Variants in ETV1 observed in about 807,000 individuals in gnomAD.
ETV1 encodes ETS variant transcription factor 1.
A neutral mutation model predicts 62.3 loss-of-function variants in ETV1; 27 were observed. The observed-to-expected ratio is 0.43, with a 90% CI of 0.32 to 0.60. The LOEUF (loss-of-function observed/expected upper bound fraction) is 0.60. Ranked by LOEUF, ETV1 falls within the 20% of genes least tolerant of loss-of-function variation. The probability of loss-of-function intolerance (pLI) is 0.06; values close to 1 mark genes in which losing one functional copy is unlikely to be tolerated. For missense variants in ETV1, 605 were observed against 605.8 expected (o/e 1.00, Z 0.01); for synonymous variants, 222 against 199.6 (o/e 1.11, Z -0.94).
chr7:13,911,736 GTAT>G (rs1231627892), intron 9 of ETV1, among the ~76,000 whole-genome samples: 2 of 152,130 alleles, frequency 1.3e-5, no homozygotes, highest in Non-Finnish European at 1.5e-5. Context: ...ACTGTAAAAT[GTAT>G]TATCAAAAGT....
In ETV1 at chr7:13,931,492, G is replaced by A. The variant is rs73274895; in HGVS notation, c.802+10C>T. On this transcript the variant is annotated intron_variant, in intron 9 of 13. Coordinates refer to ENST00000430479, the MANE Select transcript of ETV1 (RefSeq NM_004956.5). Reference sequence around the variant, plus strand: ...GCCTTGAATGTAATTTGCGCAGAGCGCAGGCCTACCTGAGTCATATGCAAA... The same window carrying A: ...GCCTTGAATGTAATTTGCGCAGAGCACAGGCCTACCTGAGTCATATGCAAA... 12,186 of 1,613,806 alleles carry A rather than the reference G, an allele frequency of 7.6e-3. 335 individuals are homozygous for A. The African/African-American group carries it at 0.091, about 12-fold the overall frequency.
At chr7:13,964,520 G>C (rs1004047607) in intron 6 of ETV1, among the ~76,000 whole-genome samples, 5 of 152,058 alleles carry the variant, frequency 3.3e-5, no homozygotes, top group African/African-American at 4.8e-5. Flanking sequence ...TACTTAATGT[G>C]AAAAATCGAC....
chr7:13,920,431 AGAGT>A (rs970686931), intron 9 of ETV1, among the ~76,000 whole-genome samples: 5 of 132,826 alleles, frequency 3.8e-5, no homozygotes, highest in Non-Finnish European at 6.5e-5. Flanking sequence ...CATTCCAGAG[AGAGT>A]GAGTGAGTGT....
intron 12 of ETV1, among the ~76,000 whole-genome samples, chr7:13,901,391 T>G (rs1782407430): frequency 6.6e-6 from 1 of 152,124 alleles, no homozygotes; most frequent in Admixed American, 6.6e-5. Context: ...AATACAAAAT[T>G]AAATGGAAAT....
chr7:13,936,008 G>A, intron 7 of ETV1, 112 bp from the exon 8 acceptor site: 2 of 829,162 alleles, frequency 2.4e-6, no homozygotes, highest in Non-Finnish European at 3.7e-6. Flanking sequence ...AAATGGAAAT[G>A]AAAACTTTGT....
chr7:13,925,741 A>AT (rs113163137), intron 9 of ETV1, among the ~76,000 whole-genome samples: 66,829 of 150,662 alleles, frequency 0.44, 16,039 homozygotes, highest in African/African-American at 0.64. Context: ...AATTTTTTGT[A>AT]TTTTTTTTAG....
chr7:13,935,981 T>C (rs1214127147), intron 7 of ETV1, 85 bp from the exon 8 acceptor site: 2 of 1,064,546 alleles, frequency 1.9e-6, no homozygotes, highest in African/African-American at 3.2e-5. Flanking sequence ...GAAGAAAAGA[T>C]ATTTTAGACT....
chr7:13,892,388 A>G lies in ETV1; in HGVS notation c.*3478T>C. On this transcript the variant is annotated 3_prime_UTR_variant, in exon 14 of 14. Coordinates refer to ENST00000430479, the MANE Select transcript of ETV1 (RefSeq NM_004956.5). ...TTTAATATAGAAAGTTTTCAAAATT[A>G]TTTATGCAGAATAAGGGGAAAATAT... is the stretch of plus-strand genomic sequence containing the variant. The G allele has an allele frequency of 1.3e-5, 3 of 232,696 alleles. No individual in the cohort carries two copies. Among genetic ancestry groups the G allele is most frequent in the African/African-American group, 4.4e-5 (2 of 45,436 alleles). 14.4% of individuals were successfully genotyped at this position (232,696 alleles called of 1,614,324 possible).
Position 13,961,667 on chromosome 7 carries a change from A to T in ETV1, c.235+15760T>A, listed in dbSNP as rs1790181376. ...TTGAGGATAGAAGCAATTTTGTTAG[A>T]CCCACAAATTAGGGTGTCCTTGATT... is the stretch of plus-strand genomic sequence containing the variant. On this transcript the variant is annotated intron_variant, in intron 6 of 13. Transcript: ENST00000430479. Among the ~76,000 whole-genome samples the T allele has an allele frequency of 2.0e-5, 3 of 152,308 alleles. No individual in the cohort carries two copies. In the South Asian group the frequency reaches 6.2e-4, roughly 32 times the overall value.
At position 13,893,293 on chromosome 7, in the gene ETV1, T is replaced by G. The variant is rs1216415153; in HGVS notation, c.*2573A>C. ...TCTTGCAGAAATCAGCTGCCAGATT[T>G]ATTAATCTACCTGAAAACAAAAACA... On this transcript the variant is annotated 3_prime_UTR_variant, in exon 14 of 14. Transcript: ENST00000430479. 4.3e-6 allele frequency: 1 copy of G among 232,008 alleles called. No homozygotes were observed. Among genetic ancestry groups the G allele is most frequent in the Non-Finnish European group, 8.5e-6 (1 of 117,432 alleles). 14.4% of individuals were successfully genotyped at this position (232,008 alleles called of 1,614,324 possible). A position where few individuals can be genotyped will look rare whatever the true frequency, so the allele number is the denominator to read the frequency against.
At chr7:13,914,325 T>C (rs1783906241) in intron 9 of ETV1, among the ~76,000 whole-genome samples, 1 of 152,152 alleles carries the variant, frequency 6.6e-6, no homozygotes, top group Admixed American at 6.5e-5. Flanking sequence ...TTTATTTGTT[T>C]CAAAACTTGT....
intron 9 of ETV1, among the ~76,000 whole-genome samples, chr7:13,915,376 G>C (rs1438635915): frequency 6.6e-6 from 1 of 152,162 alleles, no homozygotes; most frequent in African/African-American, 2.4e-5. Flanking sequence ...GTTTCAACTA[G>C]TTTTTCAAAA....
chr7:13,964,454 C>T (rs3801102), intron 6 of ETV1, among the ~76,000 whole-genome samples: 30,256 of 151,948 alleles, frequency 0.2, 5,226 homozygotes, highest in African/African-American at 0.47. Context: ...AAGGGGGGCA[C>T]ATATTTCTAA....
chr7:13,934,637 C>A (rs959123573), intron 8 of ETV1, among the ~76,000 whole-genome samples: 1 of 152,160 alleles, frequency 6.6e-6, no homozygotes, highest in Non-Finnish European at 1.5e-5. Flanking sequence ...ATGTTAAAAA[C>A]AGAAGATAAA....
At chr7:13,933,966 CA>C (rs1442330606) in intron 8 of ETV1, among the ~76,000 whole-genome samples, 1 of 152,178 alleles carries the variant, frequency 6.6e-6, no homozygotes, top group Non-Finnish European at 1.5e-5. Context: ...CCAGTTTGCA[CA>C]AAAAGCGAAT....
chr7:13,896,733 A>AAG (rs1781838233), intron 13 of ETV1, among the ~76,000 whole-genome samples: 1 of 138,182 alleles, frequency 7.2e-6, no homozygotes, highest in African/African-American at 2.8e-5. Flanking sequence ...GAAAAAGAAA[A>AAG]AGAAAGAAAG....
intron 12 of ETV1, among the ~76,000 whole-genome samples, chr7:13,903,956 A>G (rs1262822042): frequency 1.3e-5 from 2 of 152,154 alleles, no homozygotes; most frequent in African/African-American, 2.4e-5. Context: ...ATCATTTTAA[A>G]ATGCAAGATG....
At chr7:13,924,739 C>G (rs143353103) in intron 9 of ETV1, among the ~76,000 whole-genome samples, 8 of 152,284 alleles carry the variant, frequency 5.3e-5, no homozygotes, top group African/African-American at 1.7e-4. Context: ...GGCTGCTTCA[C>G]AATATATCTG....
chr7:13,892,134 A>G lies in ETV1; in HGVS notation c.*3732T>C, dbSNP rs1202675907. On this transcript the variant is annotated 3_prime_UTR_variant, in exon 14 of 14. Coordinates refer to ENST00000430479, the MANE Select transcript of ETV1 (RefSeq NM_004956.5). ...ACACATTGTTCTTACCTAATAAGTA[A>G]TAATCACTAGCAAATGATAAGATCA... 3.4e-5 allele frequency: 8 copies of G among 232,290 alleles called. No individual in the cohort carries two copies. Among genetic ancestry groups the G allele is most frequent in the Non-Finnish European group, 6.0e-5 (7 of 117,568 alleles). The allele number at this position is 232,290 out of a possible 1,614,324, so 14.4% of individuals were successfully genotyped here. A position where few individuals can be genotyped will look rare whatever the true frequency, so the allele number is the denominator to read the frequency against.
Sources: gnomAD v4.1 joint callset for allele counts (sites outside exome capture counted in the v4.1 genomes callset) on GRCh38, gnomAD v4.1.1 for gene constraint, MANE v1.5 for transcripts, NCBI Gene and HGNC (gene_info 2026-07-23, HGNC 2026-07-21) for gene names.